The following WDR72 variants were observed in gnomAD, a reference collection of about 807,000 sequenced individuals.
The protein encoded by WDR72 is WD repeat-containing protein 72.
WDR72 carries 120 observed loss-of-function variants against 124.2 expected under a neutral mutation model. The observed-to-expected ratio is 0.97, with a 90% CI of 0.83 to 1.12. WDR72 has a LOEUF of 1.12. Among genes scored for constraint, WDR72 ranks in the 50% most tolerant of loss-of-function variants. The probability of loss-of-function intolerance (pLI) is 0.00; values close to 1 mark genes in which losing one functional copy is unlikely to be tolerated. For missense variants in WDR72, 1,387 were observed against 1,278.8 expected (o/e 1.08, Z -1.29); for synonymous variants, 452 against 441.7 (o/e 1.02, Z -0.29).
chr15:53,520,740 A>G lies in WDR72; in HGVS notation c.3253+2478T>C, dbSNP rs182968454. ...ACCCCTACATTTTGAAAGACTTGATATTTTGAAGTTAACGTTTGGGCTTTG... is the reference window on the plus strand; with the variant it reads ...ACCCCTACATTTTGAAAGACTTGATGTTTTGAAGTTAACGTTTGGGCTTTG... On this transcript the variant is annotated intron_variant, in intron 19 of 19. Transcript: ENST00000360509. 4.6e-5 allele frequency among the ~76,000 whole-genome samples: 7 copies of G among 152,162 alleles called. No homozygotes were observed. The East Asian group carries it at 1.4e-3, about 29-fold the overall frequency.
intron 18 of WDR72, among the ~76,000 whole-genome samples, chr15:53,543,363 T>C (rs1451548933): frequency 6.6e-6 from 1 of 151,962 alleles, no homozygotes; most frequent in African/African-American, 2.4e-5. Context: ...CTCAACTACA[T>C]GGAAACTGAA....
At chr15:53,747,982 C>CTTTTTT (rs10625145) in intron 1 of WDR72, among the ~76,000 whole-genome samples, 3 of 147,974 alleles carry the variant, frequency 2.0e-5, no homozygotes, top group Non-Finnish European at 1.5e-5. Context: ...CAGTGAAAAT[C>CTTTTTT]TTTTTTTTTT....
chr15:53,626,206 T>C (rs1304983110), intron 14 of WDR72, among the ~76,000 whole-genome samples: 1 of 152,176 alleles, frequency 6.6e-6, no homozygotes, highest in Non-Finnish European at 1.5e-5. Flanking sequence ...CTAGGCCTTA[T>C]GGATTACAAG....
chr15:53,566,537 A>G (rs2140299828), intron 18 of WDR72, among the ~76,000 whole-genome samples: 1 of 152,032 alleles, frequency 6.6e-6, no homozygotes, highest in African/African-American at 2.4e-5. Context: ...GGGAGGTAGG[A>G]GAACAGTCTA....
chr15:53,618,329 ATTTCT>A (rs1566987596), intron 14 of WDR72, among the ~76,000 whole-genome samples: 1 of 151,902 alleles, frequency 6.6e-6, no homozygotes, highest in African/African-American at 2.4e-5. Flanking sequence ...ACCATGTTTA[ATTTCT>A]TTTGATAGTT....
chr15:53,711,169 T>G (rs2017525449), intron 8 of WDR72, 167 bp downstream of exon 8: 2 of 1,024,184 alleles, frequency 2.0e-6, no homozygotes, highest in Non-Finnish European at 3.0e-6. Context: ...CCCTGCTGTT[T>G]TGTACAAAGG....
chr15:53,661,750 C>A (rs1365627962), intron 14 of WDR72, among the ~76,000 whole-genome samples: 1 of 151,922 alleles, frequency 6.6e-6, no homozygotes, highest in Non-Finnish European at 1.5e-5. Flanking sequence ...TTCTACATAA[C>A]CAAAATAGAA....
intron 2 of WDR72, among the ~76,000 whole-genome samples, chr15:53,732,689 G>T (rs2018236467): frequency 6.6e-6 from 1 of 152,108 alleles, no homozygotes; most frequent in South Asian, 2.1e-4. Flanking sequence ...ATACTTACAT[G>T]CCTGTAGTTC....
chr15:53,530,806 C>A (rs1322706831), intron 18 of WDR72, among the ~76,000 whole-genome samples: 1 of 151,984 alleles, frequency 6.6e-6, no homozygotes, highest in African/African-American at 2.4e-5. Context: ...AGGAAAAGCA[C>A]CAAAAAACAT....
At position 53,712,828 on chromosome 15, in the gene WDR72, G is replaced by A. The variant is rs1427118043; in HGVS notation, c.655C>T (p.Arg219Ter). 2.5e-6 allele frequency: 4 copies of A among 1,613,478 alleles called. No individual in the cohort carries two copies. Among genetic ancestry groups the A allele is most frequent in the African/African-American group, 1.3e-5 (1 of 74,826 alleles). Reference protein sequence around the residue: ...FLESLNCQTIRFCTYTERLLL... With the variant: ...FLESLNCQTI ...AGTCTCTCAGTATATGTGCAAAATC[G>A]AATTGTCTGGCAGTTCAAGGACTCA... Residue 219 changes from arginine to a stop codon, truncating the protein, a stop_gained, in exon 7 of 20, where the codon CGA (arginine) becomes TGA (stop). Transcript: ENST00000360509. LOFTEE classifies it high-confidence loss of function.
chr15:53,747,536 T>TG lies in WDR72; in HGVS notation c.-13+12096dup, dbSNP rs544776786. On this transcript the variant is annotated intron_variant, in intron 1 of 19. Coordinates refer to ENST00000360509, the MANE Select transcript of WDR72 (RefSeq NM_182758.4). ...TTAAACAAATGTGCAAATTAATCTT[T>TG]GAATTCCAAACACTCATGACCTGGA... is the stretch of plus-strand genomic sequence containing the variant. Among the ~76,000 whole-genome samples, 28 of 152,344 alleles carry TG rather than the reference T, an allele frequency of 1.8e-4. No individual in the cohort carries two copies. The East Asian group carries it at 3.9e-3, about 21-fold the overall frequency.
intron 3 of WDR72, among the ~76,000 whole-genome samples, chr15:53,718,870 A>G (rs1285333810): frequency 7.0e-6 from 1 of 142,376 alleles, no homozygotes; most frequent in African/African-American, 3.1e-5. Context: ...AAATTCTTAA[A>G]TTTTTATTTC....
intron 1 of WDR72, among the ~76,000 whole-genome samples, chr15:53,744,633 C>A (rs1314297434): frequency 6.6e-6 from 1 of 152,182 alleles, no homozygotes; most frequent in Non-Finnish European, 1.5e-5. Flanking sequence ...CTGTACATTA[C>A]AGCTGGAAAA....
chr15:53,695,977 A>T (rs2016992085), intron 13 of WDR72, among the ~76,000 whole-genome samples: 1 of 152,180 alleles, frequency 6.6e-6, no homozygotes, highest in Non-Finnish European at 1.5e-5. Context: ...CCACCAAGGC[A>T]GACTTCTGGC....
intron 14 of WDR72, among the ~76,000 whole-genome samples, chr15:53,630,480 C>T (rs2014382962): frequency 6.6e-6 from 1 of 152,056 alleles, no homozygotes; most frequent in South Asian, 2.1e-4. Flanking sequence ...ATTCACAAAG[C>T]AAATCTACCA....
chr15:53,566,722 A>C (rs1894310372), intron 18 of WDR72, among the ~76,000 whole-genome samples: 1 of 152,016 alleles, frequency 6.6e-6, no homozygotes, highest in Non-Finnish European at 1.5e-5. Flanking sequence ...AACCCAAAGA[A>C]AATGTTATCT....
chr15:53,558,803 A>C (rs1894020374), intron 18 of WDR72, among the ~76,000 whole-genome samples: 1 of 152,058 alleles, frequency 6.6e-6, no homozygotes, highest in Non-Finnish European at 1.5e-5. Context: ...GATGCATAGC[A>C]GTAAATGGCA....
chr15:53,757,335 C>T (rs1343333393), intron 1 of WDR72, among the ~76,000 whole-genome samples: 1 of 152,050 alleles, frequency 6.6e-6, no homozygotes, highest in East Asian at 1.9e-4. Context: ...AGAATTATTC[C>T]TAAATGGCCA....
At chr15:53,682,388 A>G (rs755997851) in intron 13 of WDR72, among the ~76,000 whole-genome samples, 4 of 152,320 alleles carry the variant, frequency 2.6e-5, no homozygotes, top group Non-Finnish European at 5.9e-5. Context: ...TTGTCTCTAC[A>G]TTGAAATAAA....
Sources: gnomAD v4.1 joint callset for allele counts (sites outside exome capture counted in the v4.1 genomes callset) on GRCh38, gnomAD v4.1.1 for gene constraint, MANE v1.5 for transcripts, NCBI Gene and HGNC (gene_info 2026-07-23, HGNC 2026-07-21) for gene names.